Variants in CALCR observed in about 807,000 individuals in gnomAD.
CALCR encodes calcitonin receptor.
In CALCR, 47 loss-of-function variants were observed where a neutral mutation model predicts 59.5. The observed-to-expected ratio is 0.79, with a 90% CI of 0.63 to 1.01. CALCR has a LOEUF of 1.01. Ranked by LOEUF, CALCR falls within the 50% of genes least tolerant of loss-of-function variation. The probability of loss-of-function intolerance (pLI) is 0.00; values close to 1 mark genes in which losing one functional copy is unlikely to be tolerated. For synonymous variants in CALCR, 213 were observed against 211.3 expected (o/e 1.01, Z -0.07); for missense variants, 566 against 597.1 (o/e 0.95, Z 0.54).
At chr7:93,457,782 C>G (rs1383129866) in intron 8 of CALCR, among the ~76,000 whole-genome samples, 3 of 152,220 alleles carry the variant, frequency 2.0e-5, no homozygotes, top group African/African-American at 4.8e-5. Flanking sequence ...GTGGGCATGT[C>G]TGGTTATAGG....
At chr7:93,530,355 G>GTTTGT (rs1385069917) in intron 2 of CALCR, among the ~76,000 whole-genome samples, 4 of 152,088 alleles carry the variant, frequency 2.6e-5, no homozygotes, top group East Asian at 1.9e-4. Context: ...ACCAGTTTTT[G>GTTTGT]TTTGTTTTGT....
chr7:93,558,739 G>T (rs371857126), intron 2 of CALCR, among the ~76,000 whole-genome samples: 2 of 152,094 alleles, frequency 1.3e-5, no homozygotes, highest in Non-Finnish European at 2.9e-5. Flanking sequence ...ATGAAGCAAA[G>T]AATCTGAAAT....
At chr7:93,474,676 G>A (rs929114816) in intron 5 of CALCR, among the ~76,000 whole-genome samples, 13 of 151,698 alleles carry the variant, frequency 8.6e-5, no homozygotes, top group Admixed American at 1.3e-4. Flanking sequence ...GCACCCATTC[G>A]ATGTGTTTAT....
chr7:93,553,457 A>G (rs1191142970), intron 2 of CALCR, among the ~76,000 whole-genome samples: 1 of 152,102 alleles, frequency 6.6e-6, no homozygotes, highest in Non-Finnish European at 1.5e-5. Context: ...TGCATGCCAT[A>G]GAAAGATGTT....
At chr7:93,487,414 G>C (rs1241773251) in intron 2 of CALCR, among the ~76,000 whole-genome samples, 2 of 151,394 alleles carry the variant, frequency 1.3e-5, no homozygotes, top group African/African-American at 4.8e-5. Context: ...ATTTGTGAAA[G>C]ATTAATCATC....
chr7:93,444,998 G>C (rs1405259541), intron 8 of CALCR, among the ~76,000 whole-genome samples: 3 of 152,066 alleles, frequency 2.0e-5, no homozygotes, highest in African/African-American at 7.2e-5. Context: ...TGAGCCAACA[G>C]ATATTCTACT....
intron 7 of CALCR, among the ~76,000 whole-genome samples, chr7:93,464,564 A>C (rs1800403282): frequency 6.6e-6 from 1 of 151,982 alleles, no homozygotes; most frequent in South Asian, 2.1e-4. Context: ...TTCAAATACA[A>C]TATATTATAT....
At chr7:93,513,397 G>T (rs945417134) in intron 2 of CALCR, among the ~76,000 whole-genome samples, 4 of 152,136 alleles carry the variant, frequency 2.6e-5, no homozygotes, top group Admixed American at 2.6e-4. Context: ...AAATACTACA[G>T]TATAGAACCA....
At chr7:93,546,727 AT>A (rs11326946) in intron 2 of CALCR, among the ~76,000 whole-genome samples, 54,836 of 143,666 alleles carry the variant, frequency 0.38, 10,968 homozygotes, top group Non-Finnish European at 0.47. Flanking sequence ...TAATTTTTGT[AT>A]TTTTTTTTTT....
At chr7:93,465,780 T>C (rs1281471982) in intron 7 of CALCR, among the ~76,000 whole-genome samples, 1 of 151,926 alleles carries the variant, frequency 6.6e-6, no homozygotes, top group Non-Finnish European at 1.5e-5. Context: ...TTCCACCTTT[T>C]ACCTTCCCCT....
At chr7:93,477,481 A>G (rs1800690067) in intron 5 of CALCR, 77 bp downstream of exon 5, 1 of 954,302 alleles carries the variant, frequency 1.0e-6, no homozygotes, top group Admixed American at 2.1e-5. Flanking sequence ...TACATTTTGT[A>G]TCTGATTTTC....
chr7:93,541,471 A>G (rs1193941090), intron 2 of CALCR, among the ~76,000 whole-genome samples: 3 of 152,088 alleles, frequency 2.0e-5, no homozygotes, highest in Admixed American at 6.6e-5. Context: ...CTTTATCTTT[A>G]TGGTAAAAGA....
At chr7:93,451,840 TAAGA>T (rs1468737355) in intron 8 of CALCR, among the ~76,000 whole-genome samples, 1 of 151,936 alleles carries the variant, frequency 6.6e-6, no homozygotes, top group Admixed American at 6.6e-5. Context: ...CATGCAGACA[TAAGA>T]AAGAATGAGA....
rs115179849 is a variant in CALCR at position 93,457,304 on chromosome 7, G to T, written c.648+3517C>A. Among the ~76,000 whole-genome samples, 593 of 152,250 alleles carry T rather than the reference G, an allele frequency of 3.9e-3. 7 individuals are homozygous for T. The highest frequency in any genetic ancestry group is 0.014 in the African/African-American group (562 of 41,572). ...TGCTTCTTTGGGCTCCAGGACAACC[G>T]CTGGGAAGTGAGCAGAGCAGTTTTT... On this transcript the variant is annotated intron_variant, in intron 8 of 13. Coordinates refer to ENST00000426151, the MANE Select transcript of CALCR (RefSeq NM_001742.4).
chr7:93,506,507 A>G (rs1801428105), intron 2 of CALCR, among the ~76,000 whole-genome samples: 1 of 152,132 alleles, frequency 6.6e-6, no homozygotes, highest in Non-Finnish European at 1.5e-5. Context: ...GCAAAAAGCA[A>G]CAATCTCCTC....
At chr7:93,558,997 C>G (rs531839221) in intron 2 of CALCR, among the ~76,000 whole-genome samples, 3 of 152,018 alleles carry the variant, frequency 2.0e-5, no homozygotes, top group Non-Finnish European at 4.4e-5. Flanking sequence ...AAAATCACCA[C>G]TTGAGTGCAG....
At chr7:93,532,508 T>C (rs1788864797) in intron 2 of CALCR, among the ~76,000 whole-genome samples, 1 of 152,054 alleles carries the variant, frequency 6.6e-6, no homozygotes, top group Non-Finnish European at 1.5e-5. Flanking sequence ...ATTGACAGGG[T>C]TCTTTACAGA....
At chr7:93,505,726 A>G (rs535743624) in intron 2 of CALCR, among the ~76,000 whole-genome samples, 3 of 152,186 alleles carry the variant, frequency 2.0e-5, no homozygotes, top group South Asian at 2.1e-4. Flanking sequence ...CTCGTGCAAA[A>G]TAGGAGGCAA....
At chr7:93,521,874 T>G (rs1162361097) in intron 2 of CALCR, among the ~76,000 whole-genome samples, 2 of 152,164 alleles carry the variant, frequency 1.3e-5, no homozygotes, top group Admixed American at 6.6e-5. Flanking sequence ...GTACAACATT[T>G]TGATTGCTAA....
Sources: allele counts gnomAD v4.1 joint callset (sites outside exome capture counted in the v4.1 genomes callset), GRCh38; gene constraint gnomAD v4.1.1; transcripts MANE v1.5; gene names NCBI Gene and HGNC (gene_info 2026-07-23, HGNC 2026-07-21).